The following EDNRA variants were observed in gnomAD, a reference collection of about 807,000 sequenced individuals.
The protein encoded by EDNRA is endothelin receptor type A.
Under a neutral mutation model 41.4 loss-of-function variants are expected in EDNRA, and 11 were observed. That is an observed-to-expected ratio of 0.27 (90% CI 0.17 to 0.44). The LOEUF (loss-of-function observed/expected upper bound fraction) is 0.44, where lower values mean the gene tolerates loss of function less well. Among genes scored for constraint, EDNRA ranks in the 20% least tolerant of loss-of-function variants. The pLI is 1.00. For synonymous variants in EDNRA, 172 were observed against 183.0 expected (o/e 0.94, Z 0.49); for missense variants, 294 against 531.0 (o/e 0.55, Z 4.39).
At chr4:147,521,255 A>G (rs1730314351) in intron 3 of EDNRA, among the ~76,000 whole-genome samples, 1 of 152,240 alleles carries the variant, frequency 6.6e-6, no homozygotes, top group African/African-American at 2.4e-5. Context: ...ATAAAACACA[A>G]AAAATAATTT....
chr4:147,533,023 G>A (rs997699458), intron 4 of EDNRA, among the ~76,000 whole-genome samples: 8 of 129,750 alleles, frequency 6.2e-5, no homozygotes, highest in African/African-American at 2.5e-4. Context: ...GTGTGTGTGT[G>A]TGTATATATA....
intron 1 of EDNRA, among the ~76,000 whole-genome samples, chr4:147,481,862 G>A (rs576938816): frequency 2.0e-5 from 3 of 152,346 alleles, no homozygotes; most frequent in Admixed American, 2.0e-4. Context: ...AGGGACTGAG[G>A]TGTTTGGGGA....
At chr4:147,497,258 A>C (rs1426077976) in intron 2 of EDNRA, among the ~76,000 whole-genome samples, 1 of 149,618 alleles carries the variant, frequency 6.7e-6, no homozygotes, top group African/African-American at 2.5e-5. Context: ...CAGCCTCCCA[A>C]ATTGCTGGGA....
At chr4:147,504,976 A>AAAAAAAAAAAAAAG (rs1360457648) in intron 2 of EDNRA, among the ~76,000 whole-genome samples, 1 of 149,142 alleles carries the variant, frequency 6.7e-6, no homozygotes, top group South Asian at 2.1e-4. Flanking sequence ...AAAAAAAAAA[A>AAAAAAAAAAAAAAG]AGGATTCATA....
intron 3 of EDNRA, among the ~76,000 whole-genome samples, chr4:147,521,311 C>T (rs1730315829): frequency 6.6e-6 from 1 of 152,158 alleles, no homozygotes; most frequent in African/African-American, 2.4e-5. Flanking sequence ...AAAATGTTCC[C>T]ATTGCAATGG....
intron 3 of EDNRA, among the ~76,000 whole-genome samples, chr4:147,532,241 G>C (rs1286134658): frequency 6.7e-6 from 1 of 149,626 alleles, no homozygotes; most frequent in Non-Finnish European, 1.5e-5. Context: ...CAGGAGAATG[G>C]CGTGAACCTG....
At position 147,519,032 on chromosome 4, in the gene EDNRA, C is replaced by T. The variant is rs1452818102; in HGVS notation, c.421-819C>T. Among the ~76,000 whole-genome samples, 1 of 152,202 alleles carries T rather than the reference C, an allele frequency of 6.6e-6. No individual in the cohort carries two copies. The highest frequency in any genetic ancestry group is 1.5e-5 in the Non-Finnish European group (1 of 68,032). On this transcript the variant is annotated intron_variant, in intron 2 of 7. Transcript: ENST00000651419. This position sits in a 1 kb window ranked among gnomAD's most constrained non-coding sequence, Gnocchi z 4.1. ...CAGCACAGCCACTAGAGGGTGTCCA[C>T]TCTTGCCTTGCAAACAAGGTTGGAA...
intron 5 of EDNRA, among the ~76,000 whole-genome samples, chr4:147,537,884 AG>A (rs1262239158): frequency 2.6e-5 from 4 of 152,162 alleles, no homozygotes; most frequent in Non-Finnish European, 5.9e-5. Flanking sequence ...TGTGGCTGAA[AG>A]TCCTGCAGAT....
In EDNRA at chr4:147,522,178, A is replaced by G. The variant is rs1354786383; in HGVS notation, c.548+2200A>G. Among the ~76,000 whole-genome samples, 3 of 152,176 alleles carry G rather than the reference A, an allele frequency of 2.0e-5. 1 individual carries two copies. The East Asian group carries it at 5.8e-4, about 29-fold the overall frequency. Reference sequence around the variant, plus strand: ...AAGTCTTCTGTACATATCAATAATAATATTTATAATTATTACCATTTATTG... The same window carrying G: ...AAGTCTTCTGTACATATCAATAATAGTATTTATAATTATTACCATTTATTG... On this transcript the variant is annotated intron_variant, in intron 3 of 7. Transcript: ENST00000651419.
intron 3 of EDNRA, chr4:147,520,418 GA>G (rs781228250): frequency 3.9e-6 from 2 of 519,074 alleles, no homozygotes; most frequent in Admixed American, 3.9e-5. Context: ...CTGCCTTTTT[GA>G]AAGACTGAAA....
At chr4:147,521,474 A>C (rs1730319529) in intron 3 of EDNRA, among the ~76,000 whole-genome samples, 1 of 152,200 alleles carries the variant, frequency 6.6e-6, no homozygotes, top group Non-Finnish European at 1.5e-5. Flanking sequence ...GGTGGCCACT[A>C]TATAATCTTG....
chr4:147,502,752 C>T (rs150025751), intron 2 of EDNRA, among the ~76,000 whole-genome samples: 6 of 152,266 alleles, frequency 3.9e-5, no homozygotes, highest in East Asian at 1.9e-4. Context: ...GACAACTTTA[C>T]GGTGACAACT....
At chr4:147,528,520 T>C (rs1210463022) in intron 3 of EDNRA, among the ~76,000 whole-genome samples, 1 of 151,874 alleles carries the variant, frequency 6.6e-6, no homozygotes. Flanking sequence ...GCCTGGCTAA[T>C]TGTTGTATTT....
chr4:147,506,352 G>A (rs147896220), intron 2 of EDNRA: 58 of 421,312 alleles, frequency 1.4e-4, no homozygotes, highest in African/African-American at 1.1e-3. Flanking sequence ...GGAAGGAATA[G>A]TGGTACAAAG....
intron 3 of EDNRA, 136 bp from the exon 4 acceptor site, chr4:147,532,370 A>C (rs1730781481): frequency 1.4e-6 from 1 of 714,618 alleles, no homozygotes; most frequent in Non-Finnish European, 2.4e-6. Flanking sequence ...TTTTCATACC[A>C]AGACTCAGAA....
At chr4:147,502,144 C>T (rs1483116118) in intron 2 of EDNRA, among the ~76,000 whole-genome samples, 1 of 152,042 alleles carries the variant, frequency 6.6e-6, no homozygotes, top group Admixed American at 6.6e-5. Context: ...ATTTTGGAAA[C>T]GTATTGGGTC....
chr4:147,539,733 C>T, intron 5 of EDNRA, 84 bp from the exon 6 acceptor site: 1 of 1,448,980 alleles, frequency 6.9e-7, no homozygotes, highest in Non-Finnish European at 9.3e-7. Flanking sequence ...TCTCTGGTGT[C>T]TGCTACTTCT....
chr4:147,499,808 T>TC lies in EDNRA; in HGVS notation c.420+13707_420+13708insC, dbSNP rs1289136735. 4.9e-5 allele frequency among the ~76,000 whole-genome samples: 7 copies of TC among 142,122 alleles called. No homozygotes were observed. In the East Asian group the frequency reaches 1.4e-3, roughly 29 times the overall value. The allele number at this position is 142,122 out of a possible 152,430, so 93.2% of individuals were successfully genotyped here. On this transcript the variant is annotated intron_variant, in intron 2 of 7. Transcript: ENST00000651419. ...TACTCTCTAAAAGTCTTTTTTTTTT[T>TC]TTTTTTTTTTTTTTGAGACGGAGTC...
At chr4:147,517,165 T>C (rs1730145158) in intron 2 of EDNRA, among the ~76,000 whole-genome samples, 1 of 152,152 alleles carries the variant, frequency 6.6e-6, no homozygotes, top group Non-Finnish European at 1.5e-5. Flanking sequence ...CCATCTTATG[T>C]ATTATATTTT....
Sources: gnomAD v4.1 joint callset for allele counts (sites outside exome capture counted in the v4.1 genomes callset) on GRCh38, gnomAD v4.1.1 for gene constraint, Gnocchi (gnomAD v3.1) non-coding constraint, MANE v1.5 for transcripts, NCBI Gene and HGNC (gene_info 2026-07-23, HGNC 2026-07-21) for gene names.